MYT1L: variants seen among roughly 807,000 people sequenced by gnomAD.
MYT1L encodes myelin transcription factor 1 like.
Under a neutral mutation model 126.7 loss-of-function variants are expected in MYT1L, and 12 were observed. The observed-to-expected ratio is 0.09, with a 90% CI of 0.06 to 0.15. The LOEUF (loss-of-function observed/expected upper bound fraction) is 0.15. Among genes scored for constraint, MYT1L ranks in the 10% least tolerant of loss-of-function variants. The probability of loss-of-function intolerance (pLI) is 1.00; values close to 1 mark genes in which losing one functional copy is unlikely to be tolerated. For synonymous variants in MYT1L, 541 were observed against 604.2 expected (o/e 0.90, Z 1.53); for missense variants, 979 against 1,585.2 (o/e 0.62, Z 6.49).
At chr2:2,250,190 C>A (rs1446847544) in intron 2 of MYT1L, among the ~76,000 whole-genome samples, 1 of 152,090 alleles carries the variant, frequency 6.6e-6, no homozygotes, top group Non-Finnish European at 1.5e-5. Context: ...TAAAGGAAAT[C>A]AGGTAATTGA....
intron 2 of MYT1L, among the ~76,000 whole-genome samples, chr2:2,235,914 T>C (rs890700958): frequency 1.3e-5 from 2 of 152,216 alleles, no homozygotes; most frequent in Non-Finnish European, 2.9e-5. Context: ...GAGCAGCTAA[T>C]ATATTTTTAT....
intron 3 of MYT1L, among the ~76,000 whole-genome samples, chr2:2,080,449 A>T (rs2075699686): frequency 2.0e-5 from 3 of 152,256 alleles, no homozygotes; most frequent in African/African-American, 7.2e-5. Flanking sequence ...ACTTGTATGC[A>T]TAATATGCAA....
chr2:2,203,835 G>A (rs1212627185), intron 2 of MYT1L, among the ~76,000 whole-genome samples: 2 of 152,148 alleles, frequency 1.3e-5, no homozygotes, highest in East Asian at 1.9e-4. Flanking sequence ...AAAGCTGGAG[G>A]CATCACACTA....
chr2:2,138,078 C>T (rs1042168796), intron 3 of MYT1L, among the ~76,000 whole-genome samples: 8 of 152,156 alleles, frequency 5.3e-5, no homozygotes, highest in Non-Finnish European at 1.2e-4. Context: ...AGCCAAAAAA[C>T]ACATGAAAAA....
At chr2:2,170,610 A>G (rs1328884457) in intron 3 of MYT1L, among the ~76,000 whole-genome samples, 4 of 152,250 alleles carry the variant, frequency 2.6e-5, no homozygotes, top group African/African-American at 4.8e-5. Flanking sequence ...TTAACATAGC[A>G]ATGTATTCCC....
intron 18 of MYT1L, among the ~76,000 whole-genome samples, chr2:1,867,305 G>A (rs898638080): frequency 9.9e-5 from 15 of 152,060 alleles, no homozygotes; most frequent in African/African-American, 1.9e-4. Flanking sequence ...GAAGTAAACC[G>A]AGGGTCGCAC....
intron 8 of MYT1L, among the ~76,000 whole-genome samples, chr2:1,956,540 T>TCTAC: frequency 6.7e-6 from 1 of 149,694 alleles, no homozygotes; most frequent in South Asian, 2.1e-4. Flanking sequence ...TATCTATCTA[T>TCTAC]CTATCTATCA....
At chr2:1,954,467 G>A (rs1386776372) in intron 8 of MYT1L, among the ~76,000 whole-genome samples, 1 of 152,198 alleles carries the variant, frequency 6.6e-6, no homozygotes, top group Non-Finnish European at 1.5e-5. Context: ...CCACACCAGT[G>A]CTCTACATCA....
chr2:2,311,568 C>T (rs1199974491), intron 1 of MYT1L, among the ~76,000 whole-genome samples: 1 of 152,196 alleles, frequency 6.6e-6, no homozygotes, highest in East Asian at 1.9e-4. Flanking sequence ...TGTCACACGA[C>T]TTTGGGGGGC....
intron 21 of MYT1L, chr2:1,826,168 A>G (rs892473669): frequency 3.3e-5 from 5 of 152,360 alleles, no homozygotes; most frequent in African/African-American, 1.2e-4. Context: ...CTGGGCTTCC[A>G]CCATGGGAAA....
chr2:2,250,215 T>A (rs974484729), intron 2 of MYT1L, among the ~76,000 whole-genome samples: 2 of 152,176 alleles, frequency 1.3e-5, no homozygotes, highest in African/African-American at 2.4e-5. Flanking sequence ...ATCTCTGCAC[T>A]CCCATGTTTG....
chr2:2,295,597 GAGAGAGACAGAC>G (rs1375569240), intron 1 of MYT1L, among the ~76,000 whole-genome samples: 519 of 92,832 alleles, frequency 5.6e-3, no homozygotes, highest in African/African-American at 0.018. Flanking sequence ...GACAGACAGA[GAGAGAGACAGAC>G]AGAGAGAGAG....
intron 10 of MYT1L, among the ~76,000 whole-genome samples, chr2:1,919,473 T>G (rs1214833524): frequency 6.6e-6 from 1 of 152,194 alleles, no homozygotes; most frequent in Non-Finnish European, 1.5e-5. Context: ...AGCAGGCAAT[T>G]GGGTAGATGA....
chr2:1,836,816 C>G (rs1460559973), intron 21 of MYT1L, among the ~76,000 whole-genome samples: 1 of 152,206 alleles, frequency 6.6e-6, no homozygotes, highest in Non-Finnish European at 1.5e-5. Context: ...CCCCAATATT[C>G]CATCAGCCTG....
chr2:2,152,727 A>G (rs979168886), intron 3 of MYT1L, among the ~76,000 whole-genome samples: 1 of 152,152 alleles, frequency 6.6e-6, no homozygotes, highest in Admixed American at 6.6e-5. Context: ...ATTCAATTCT[A>G]CTGGTGATGA....
In MYT1L at chr2:1,887,419, G is replaced by A; in HGVS notation, c.2642+69C>T. The A allele has an allele frequency of 6.2e-7, 1 of 1,604,510 alleles. No homozygotes were observed. Among genetic ancestry groups the A allele is most frequent in the South Asian group, 1.1e-5 (1 of 90,576 alleles). ...AAACGGCAAGGCATATACAGATCCA[G>A]TTTTAAAAAATCAGCCAAAGAATGG... On this transcript the variant is annotated intron_variant, in intron 17 of 24. Transcript: ENST00000647738. The surrounding 1 kb of genome is among the most constrained non-coding windows in gnomAD (Gnocchi z 4.8).
At chr2:1,813,875 A>C in intron 21 of MYT1L, among the ~76,000 whole-genome samples, 1 of 94,500 alleles carries the variant, frequency 1.1e-5, no homozygotes, top group African/African-American at 3.8e-5. Context: ...GAAATACAAA[A>C]AATTAGCCGG....
At position 1,903,294 on chromosome 2, in the gene MYT1L, C is replaced by T. The variant is rs750517501; in HGVS notation, c.1818G>A (p.Arg606=). 32 of 1,610,096 alleles carry T rather than the reference C, an allele frequency of 2.0e-5. No homozygotes were observed. Among genetic ancestry groups the T allele is most frequent in the Non-Finnish European group, 2.6e-5 (31 of 1,177,782 alleles). ...KSSQASDRVL[R]PMCFVKQLEI... ...CCAGCTGCTTCACAAAGCACATTGG[C>T]CTGGAAGTAAACAAGAAAACAAACA... Residue 606 remains arginine, a splice_region_variant and synonymous_variant, in exon 14 of 25, where the codon AGG becomes AGA. Transcript: ENST00000647738.
At chr2:2,262,897 C>T (rs1248753561) in intron 2 of MYT1L, among the ~76,000 whole-genome samples, 1 of 83,600 alleles carries the variant, frequency 1.2e-5, no homozygotes, top group Non-Finnish European at 2.4e-5. Context: ...GATGTTTTTA[C>T]CCCAGGTGAG....
Sources: allele counts gnomAD v4.1 joint callset (sites outside exome capture counted in the v4.1 genomes callset), GRCh38; gene constraint gnomAD v4.1.1; non-coding constraint Gnocchi (gnomAD v3.1); transcripts MANE v1.5; gene names NCBI Gene and HGNC (gene_info 2026-07-23, HGNC 2026-07-21).